The following ATP8A1 variants were observed in gnomAD, a reference collection of about 807,000 sequenced individuals.
ATP8A1 encodes the protein ATPase phospholipid transporting 8A1.
Under a neutral mutation model 177.7 loss-of-function variants are expected in ATP8A1, and 90 were observed. The ratio of observed to expected loss-of-function variants is 0.51; its 90% CI spans 0.43 to 0.60. The LOEUF (loss-of-function observed/expected upper bound fraction) is 0.60, where lower values mean the gene tolerates loss of function less well. Ranked by LOEUF, ATP8A1 falls within the 20% of genes least tolerant of loss-of-function variation. ATP8A1 has a pLI of 0.00. For synonymous variants in ATP8A1, 493 were observed against 485.9 expected (o/e 1.01, Z -0.19); for missense variants, 1,072 against 1,392.8 (o/e 0.77, Z 3.67).
intron 1 of ATP8A1, among the ~76,000 whole-genome samples, chr4:42,655,162 A>T (rs1741490428): frequency 6.6e-6 from 1 of 152,242 alleles, no homozygotes; most frequent in African/African-American, 2.4e-5. Flanking sequence ...TCTTAATCCA[A>T]ATGTGTCACT....
chr4:42,434,010 T>C (rs1467542144), intron 33 of ATP8A1, among the ~76,000 whole-genome samples: 2 of 152,188 alleles, frequency 1.3e-5, no homozygotes, highest in African/African-American at 4.8e-5. Flanking sequence ...ATAGTCTTTC[T>C]AAAAAGGCAT....
intron 19 of ATP8A1, 61 bp from the exon 20 acceptor site, chr4:42,544,047 G>C: frequency 1.5e-6 from 2 of 1,303,144 alleles, no homozygotes; most frequent in Admixed American, 1.8e-5. Flanking sequence ...GTATGTGTTT[G>C]TCATGCCTCA....
chr4:42,626,177 TTC>T (rs1738054532), intron 2 of ATP8A1: 1 of 152,508 alleles, frequency 6.6e-6, no homozygotes, highest in Non-Finnish European at 1.5e-5. Context: ...TGTTTGAATT[TTC>T]TTCACTGCCA....
At chr4:42,602,044 T>C (rs1735332802) in intron 5 of ATP8A1, among the ~76,000 whole-genome samples, 1 of 152,138 alleles carries the variant, frequency 6.6e-6, no homozygotes, top group African/African-American at 2.4e-5. Flanking sequence ...ATATGGGACA[T>C]TCAGATGCTT....
At chr4:42,463,686 T>C (rs1719421613) in intron 27 of ATP8A1, among the ~76,000 whole-genome samples, 1 of 152,246 alleles carries the variant, frequency 6.6e-6, no homozygotes, top group African/African-American at 2.4e-5. Context: ...GTGGTATTCC[T>C]GACTCAGGTT....
At position 42,410,887 on chromosome 4, in the gene ATP8A1, T is replaced by C. The variant is rs1349455991; in HGVS notation, c.*2029A>G. The C allele has an allele frequency of 1.3e-5, 2 of 152,192 alleles. No individual in the cohort carries two copies. The highest frequency in any genetic ancestry group is 2.9e-5 in the Non-Finnish European group (2 of 68,030). 9.4% of individuals were successfully genotyped at this position (152,192 alleles called of 1,614,324 possible). A position where few individuals can be genotyped will look rare whatever the true frequency, so the allele number is the denominator to read the frequency against. Reference sequence around the variant, plus strand: ...CGCAAACAGAAGCAGCTCTTCTCTATTAACAGAATTAAACACTACAAAGTG... The same window carrying C: ...CGCAAACAGAAGCAGCTCTTCTCTACTAACAGAATTAAACACTACAAAGTG... On this transcript the variant is annotated 3_prime_UTR_variant, in exon 37 of 37. Coordinates refer to ENST00000381668, the MANE Select transcript of ATP8A1 (RefSeq NM_006095.2).
intron 27 of ATP8A1, among the ~76,000 whole-genome samples, chr4:42,459,892 C>T (rs903971361): frequency 6.6e-6 from 1 of 152,018 alleles, no homozygotes; most frequent in Non-Finnish European, 1.5e-5. Flanking sequence ...CCCGGGTTCA[C>T]GCCATTCTCC....
In ATP8A1 at chr4:42,568,308, C is replaced by T. The variant is rs114720349; in HGVS notation, c.1340+853G>A. 4.0e-3 allele frequency among the ~76,000 whole-genome samples: 607 copies of T among 152,144 alleles called. 3 individuals carry two copies. The highest frequency in any genetic ancestry group is 6.9e-3 in the Non-Finnish European group (466 of 68,014). On this transcript the variant is annotated intron_variant, in intron 15 of 36. Transcript: ENST00000381668. ...TGAAAAATATTTAAATGATGTTATT[C>T]GACTTCAAAGTATATTGAAAATGTG...
intron 22 of ATP8A1, among the ~76,000 whole-genome samples, chr4:42,511,305 A>G (rs1724983432): frequency 6.6e-6 from 1 of 152,232 alleles, no homozygotes; most frequent in South Asian, 2.1e-4. Context: ...AAGAGTGTTT[A>G]GGCTATAATC....
chr4:42,509,849 CAAAA>C (rs751055015), intron 22 of ATP8A1, among the ~76,000 whole-genome samples: 3 of 79,004 alleles, frequency 3.8e-5, no homozygotes, highest in African/African-American at 8.8e-5. Context: ...GAGACAGTCT[CAAAA>C]AAAAAAAAAA....
At chr4:42,546,438 G>T (rs1295653124) in intron 19 of ATP8A1, among the ~76,000 whole-genome samples, 1 of 127,258 alleles carries the variant, frequency 7.9e-6, no homozygotes, top group African/African-American at 2.9e-5. Flanking sequence ...TTGTGGGGTG[G>T]GGGGAGGGGG....
At chr4:42,653,072 G>T (rs981192104) in intron 1 of ATP8A1, among the ~76,000 whole-genome samples, 2 of 151,638 alleles carry the variant, frequency 1.3e-5, no homozygotes, top group African/African-American at 2.4e-5. Context: ...TGACCTTTGT[G>T]ACCTCATTTC....
At position 42,497,429 on chromosome 4, in the gene ATP8A1, G is replaced by C. The variant is rs539072010; in HGVS notation, c.2151+6021C>G. Reference sequence around the variant, plus strand: ...CTCTCAGAAATGTCAACAAACTTGTGGGGGAGAATGGCAAGGGGGCAGACT... The same window carrying C: ...CTCTCAGAAATGTCAACAAACTTGTCGGGGAGAATGGCAAGGGGGCAGACT... On this transcript the variant is annotated intron_variant, in intron 24 of 36. Coordinates refer to ENST00000381668, the MANE Select transcript of ATP8A1 (RefSeq NM_006095.2). Among the ~76,000 whole-genome samples, 89 of 152,288 alleles carry C rather than the reference G, an allele frequency of 5.8e-4. 1 individual carries two copies. The highest frequency in any genetic ancestry group is 1.5e-3 in the African/African-American group (61 of 41,560).
chr4:42,483,648 T>C (rs1467267670), intron 25 of ATP8A1, among the ~76,000 whole-genome samples: 1 of 152,158 alleles, frequency 6.6e-6, no homozygotes, highest in Non-Finnish European at 1.5e-5. Flanking sequence ...AGAACATATT[T>C]TTTCTCCCTT....
chr4:42,543,991 A>T lies in ATP8A1; in HGVS notation c.1653-5T>A. 5.0e-6 allele frequency: 8 copies of T among 1,612,786 alleles called. No individual in the cohort carries two copies. Among genetic ancestry groups the T allele is most frequent in the Non-Finnish European group, 6.8e-6 (8 of 1,179,220 alleles). On this transcript the variant is annotated splice_region_variant and splice_polypyrimidine_tract_variant and intron_variant, in intron 19 of 36. Coordinates refer to ENST00000381668, the MANE Select transcript of ATP8A1 (RefSeq NM_006095.2). Reference sequence around the variant, plus strand: ...ACTGACATTCTTTTCCTAGCACTGAAAGAAAGAGGTTTTGCATAATGTGTC... The same window carrying T: ...ACTGACATTCTTTTCCTAGCACTGATAGAAAGAGGTTTTGCATAATGTGTC...
chr4:42,435,475 C>T (rs1417339859), intron 33 of ATP8A1, among the ~76,000 whole-genome samples: 1 of 145,416 alleles, frequency 6.9e-6, no homozygotes, highest in African/African-American at 2.6e-5. Flanking sequence ...AAACTATCTC[C>T]AGTTATGAGC....
At chr4:42,585,163 A>G (rs1296578510) in intron 9 of ATP8A1, among the ~76,000 whole-genome samples, 1 of 151,938 alleles carries the variant, frequency 6.6e-6, no homozygotes, top group Non-Finnish European at 1.5e-5. Context: ...CCCACTCATC[A>G]TTGCTCAAAT....
intron 14 of ATP8A1, among the ~76,000 whole-genome samples, chr4:42,570,999 T>C (rs1021787131): frequency 6.6e-6 from 1 of 152,364 alleles, no homozygotes. Flanking sequence ...GAGGAAATCA[T>C]GTGAACTTTT....
chr4:42,522,045 A>G, intron 22 of ATP8A1, 115 bp downstream of exon 22: 1 of 1,185,000 alleles, frequency 8.4e-7, no homozygotes, highest in South Asian at 1.6e-5. Context: ...GAGGGTATTC[A>G]ATAGTGAATG....
Sources: allele counts gnomAD v4.1 joint callset (sites outside exome capture counted in the v4.1 genomes callset), GRCh38; gene constraint gnomAD v4.1.1; transcripts MANE v1.5; gene names NCBI Gene and HGNC (gene_info 2026-07-23, HGNC 2026-07-21).